CNTNAP1: variants seen among roughly 807,000 people sequenced by gnomAD.
CNTNAP1 encodes the protein contactin associated protein 1.
In CNTNAP1, 80 loss-of-function variants were observed where a neutral mutation model predicts 161.5. That is an observed-to-expected ratio of 0.50 (90% CI 0.41 to 0.60). The LOEUF (loss-of-function observed/expected upper bound fraction) is 0.60, where lower values mean the gene tolerates loss of function less well. Among genes scored for constraint, CNTNAP1 ranks in the 20% least tolerant of loss-of-function variants. The pLI, the probability that CNTNAP1 is intolerant of heterozygous loss-of-function variation, is 0.00. For missense variants in CNTNAP1, 1,464 were observed against 1,854.8 expected (o/e 0.79, Z 3.87); for synonymous variants, 695 against 733.1 (o/e 0.95, Z 0.84).
Position 42,686,102 on chromosome 17 carries a change from T to C in CNTNAP1, c.861T>C (p.Ile287=). The part of the protein sequence containing the change: ...FTLDGYVQRF[I]LNGDFERLNL... ...TGGACGGCTATGTGCAGCGCTTTAT[T>C]CTCAATGGAGACTTCGAGAGGCTGA... Residue 287 remains isoleucine (I), a synonymous_variant, in exon 6 of 24, where the codon ATT becomes ATC. Coordinates refer to ENST00000264638, the MANE Select transcript of CNTNAP1 (RefSeq NM_003632.3). 1 of 1,614,182 alleles carries C rather than the reference T, an allele frequency of 6.2e-7. No individual in the cohort carries two copies. Among genetic ancestry groups the C allele is most frequent in the Non-Finnish European group, 8.5e-7 (1 of 1,180,028 alleles).
chr17:42,695,527 G>A lies in CNTNAP1; in HGVS notation c.2999G>A (p.Gly1000Asp). The change falls in exon 19 of 24, where the codon GGT (glycine) becomes GAT (aspartate). Residue 1000 changes from glycine to aspartate, a missense_variant. By Grantham distance (94) the Gly-to-Asp change is moderately conservative. Around this residue, in one of 3 missense-constraint regions of CNTNAP1, gnomAD observed 1,383 missense variants for 1,765.0 expected, o/e 0.78. Coordinates refer to ENST00000264638, the MANE Select transcript of CNTNAP1 (RefSeq NM_003632.3). ...TCCCTGCTTCTACCTGCAGATATTG[G>A]TGGTTTCTTTGAGCCGGGCACCTGG... ...FDGPYCNHDI[G>D]GFFEPGTWMR... The A allele has an allele frequency of 6.2e-7, 1 of 1,602,194 alleles. No individual in the cohort carries two copies. Among genetic ancestry groups the A allele is most frequent in the East Asian group, 2.2e-5 (1 of 44,536 alleles).
chr17:42,697,646 C>T lies in CNTNAP1; in HGVS notation c.3661C>T (p.Leu1221Phe). ...SGVRFNNVAP[L>F]KTHFRTPRPM... is the part of the protein sequence containing the mutation. Reference sequence around the variant, plus strand: ...TGTTCGATTCAACAACGTGGCTCCCCTCAAGACCCACTTCCGAACCCCTCG... The same window carrying T: ...TGTTCGATTCAACAACGTGGCTCCCTTCAAGACCCACTTCCGAACCCCTCG... Residue 1221 changes from leucine to phenylalanine, a missense_variant, in exon 22 of 24, where the codon CTC becomes TTC. This residue lies in a region of CNTNAP1 where 1,383 missense variants were observed against 1,765.0 expected (regional missense o/e 0.78). Transcript: ENST00000264638. 1 of 1,614,174 alleles carries T rather than the reference C, an allele frequency of 6.2e-7. No individual in the cohort carries two copies. Among genetic ancestry groups the T allele is most frequent in the Middle Eastern group, 1.6e-4 (1 of 6,062 alleles).
intron 23 of CNTNAP1, 80 bp from the exon 24 acceptor site, chr17:42,698,538 T>C (rs963056445): frequency 1.5e-4 from 117 of 763,528 alleles, no homozygotes; most frequent in South Asian, 4.8e-4. Context: ...AGAGTGCGTG[T>C]GTGTGTGTGT....
At chr17:42,689,456 G>T (rs911597407) in intron 10 of CNTNAP1, 65 bp from the exon 11 acceptor site, 1 of 1,288,006 alleles carries the variant, frequency 7.8e-7, no homozygotes, top group Non-Finnish European at 1.1e-6. Context: ...GAAGCTTGCA[G>T]GGATCAGACC....
Position 42,695,893 on chromosome 17 carries a change from T to C in CNTNAP1, c.3346+19T>C, listed in dbSNP as rs1191653769. The C allele has an allele frequency of 6.2e-7, 1 of 1,604,292 alleles. No individual in the cohort carries two copies. The highest frequency in any genetic ancestry group is 8.5e-7 in the Non-Finnish European group (1 of 1,172,940). The stretch of plus-strand genomic sequence containing the variant: ...GATGATGGTAAGCTCTCCCGGGCTC[T>C]CTCACCCCACTCCAGCTTCACCCCG... On this transcript the variant is annotated intron_variant, in intron 19 of 23. Coordinates refer to ENST00000264638, the MANE Select transcript of CNTNAP1 (RefSeq NM_003632.3).
At position 42,688,451 on chromosome 17, in the gene CNTNAP1, T is replaced by C. The variant is rs1356601202; in HGVS notation, c.1307-11T>C. On this transcript the variant is annotated splice_polypyrimidine_tract_variant and intron_variant, in intron 8 of 23. Transcript: ENST00000264638. Reference sequence around the variant, plus strand: ...TTCCCTCCACCCACACCATCATCCATTCTTGTCCAGGGTACCGACTGAATG... The same window carrying C: ...TTCCCTCCACCCACACCATCATCCACTCTTGTCCAGGGTACCGACTGAATG... The C allele has an allele frequency of 3.1e-6, 5 of 1,614,074 alleles. No individual in the cohort carries two copies. The South Asian group carries it at 5.5e-5, about 18-fold the overall frequency.
intron 8 of CNTNAP1, 44 bp downstream of exon 8, chr17:42,688,025 A>G (rs768089616): frequency 3.1e-6 from 5 of 1,587,980 alleles, no homozygotes; most frequent in Non-Finnish European, 4.3e-6. Flanking sequence ...AGAGAAGTGT[A>G]GAGGATCCCA....
At chr17:42,688,800 T>C in intron 9 of CNTNAP1, 76 bp from the exon 10 acceptor site, 1 of 1,566,220 alleles carries the variant, frequency 6.4e-7, no homozygotes, top group Non-Finnish European at 8.7e-7. Flanking sequence ...TATGTCTGGC[T>C]CCCCCTCAGC....
Position 42,696,032 on chromosome 17 carries a change from T to G in CNTNAP1, c.3354T>G (p.Leu1118=), listed in dbSNP as rs2053148026. The change falls in exon 20 of 24, where the codon CTT becomes CTG. Residue 1118 remains leucine (L), a synonymous_variant. Transcript: ENST00000264638. ...MAVLIKDDGT[L]QLRYQLGTSP... ...CTTCTCCCCACCCCACAGGGACCCTTCAGCTGCGATATCAGCTGGGCACCA... is the reference window on the plus strand; with the variant it reads ...CTTCTCCCCACCCCACAGGGACCCTGCAGCTGCGATATCAGCTGGGCACCA... The G allele has an allele frequency of 6.2e-7, 1 of 1,613,968 alleles. No individual in the cohort carries two copies. The highest frequency in any genetic ancestry group is 1.3e-5 in the African/African-American group (1 of 74,898).
chr17:42,685,533 A>G lies in CNTNAP1; in HGVS notation c.715+113A>G, dbSNP rs1443335923. 6 of 1,020,478 alleles carry G rather than the reference A, an allele frequency of 5.9e-6. No individual in the cohort carries two copies. In the African/African-American group the frequency reaches 8.0e-5, roughly 14 times the overall value. 63.2% of individuals were successfully genotyped at this position (1,020,478 alleles called of 1,614,324 possible). On this transcript the variant is annotated intron_variant, in intron 5 of 23. Coordinates refer to ENST00000264638, the MANE Select transcript of CNTNAP1 (RefSeq NM_003632.3). The surrounding 1 kb of genome is among the most constrained non-coding windows in gnomAD (Gnocchi z 5.0). ...CTCAGCCTGGTCTTCCACTTCTCTA[A>G]GGCCTGGACCAAACTGCCCCTTTCT...
rs756769687 is a variant in CNTNAP1, at chr17:42,691,838, G to A, written c.2377G>A (p.Gly793Arg). 6.8e-6 allele frequency: 11 copies of A among 1,613,818 alleles called. No individual in the cohort carries two copies. Among genetic ancestry groups the A allele is most frequent in the South Asian group, 2.2e-5 (2 of 91,068 alleles). ...CTGGAACACCATTTCCTTCCACACC[G>A]GGGCTGCACTACGCTTCCCCCCAAT... ...NSWNTISFHT[G>R]AALRFPPIRA... Residue 793 changes from glycine (G) to arginine (R), a missense_variant, in exon 16 of 24, where the codon GGG becomes AGG. By Grantham distance (125) the Gly-to-Arg change is moderately radical. Transcript: ENST00000264638. The surrounding 1 kb of genome is among the most constrained non-coding windows in gnomAD (Gnocchi z 4.3).
chr17:42,685,251 C>T lies in CNTNAP1; in HGVS notation c.546C>T (p.Ala182=), dbSNP rs761273010. ...ADILYFDGDD[A]ISYRFPRGVS... is the part of the protein sequence containing the mutation. ...TACTCTATTTCGACGGCGACGATGC[C>T]ATCTCCTACCGCTTCCCGCGAGGGG... Residue 182 remains alanine, a synonymous_variant, in exon 5 of 24, where the codon GCC becomes GCT. Transcript: ENST00000264638. The surrounding 1 kb of genome is among the most constrained non-coding windows in gnomAD (Gnocchi z 5.0). The T allele has an allele frequency of 1.2e-6, 2 of 1,613,860 alleles. No individual in the cohort carries two copies. The highest frequency in any genetic ancestry group is 1.7e-6 in the Non-Finnish European group (2 of 1,180,040).
chr17:42,683,394 G>C, intron 1 of CNTNAP1: 1 of 1,084,272 alleles, frequency 9.2e-7, no homozygotes, highest in African/African-American at 1.7e-5. Context: ...GCTAGCACTG[G>C]CTGAGGTTGG....
chr17:42,687,300 A>C lies in CNTNAP1; in HGVS notation c.1044+254A>C. On this transcript the variant is annotated intron_variant, in intron 7 of 23. Transcript: ENST00000264638. The surrounding 1 kb of genome is among the most constrained non-coding windows in gnomAD (Gnocchi z 4.7). ...AAGAAAGTAAGGCGCAGACACAGGG[A>C]GTGGCTTGTCCAGGGGTCGTGCAGC... 1 of 536,700 alleles carries C rather than the reference A, an allele frequency of 1.9e-6. No individual in the cohort carries two copies. The highest frequency in any genetic ancestry group is 3.3e-6 in the Non-Finnish European group (1 of 304,772). The allele number at this position is 536,700 out of a possible 1,614,324, so 33.2% of individuals were successfully genotyped here. A position where few individuals can be genotyped will look rare whatever the true frequency, so the allele number is the denominator to read the frequency against.
At position 42,685,328 on chromosome 17, in the gene CNTNAP1, A is replaced by C; in HGVS notation, c.623A>C (p.Lys208Thr). The C allele has an allele frequency of 6.2e-7, 1 of 1,612,226 alleles. No homozygotes were observed. Among genetic ancestry groups the C allele is most frequent in the Non-Finnish European group, 8.5e-7 (1 of 1,180,016 alleles). The stretch of plus-strand genomic sequence containing the variant: ...GCCTTCAGCTTCAAGACCGAGGAGA[A>C]GGACGGTCTTCTGCTGCACGCCGAG... Reference protein sequence around the residue: ...VFAFSFKTEEKDGLLLHAEGA... With the variant: ...VFAFSFKTEETDGLLLHAEGA... Residue 208 changes from lysine (K) to threonine (T), a missense_variant, in exon 5 of 24, where the codon AAG becomes ACG. Around this residue, in one of 3 missense-constraint regions of CNTNAP1, gnomAD observed 1,383 missense variants for 1,765.0 expected, o/e 0.78. Transcript: ENST00000264638. The surrounding 1 kb of genome is among the most constrained non-coding windows in gnomAD (Gnocchi z 5.0).
At chr17:42,686,467 C>CTGTTT (rs1567970431) in intron 6 of CNTNAP1, among the ~76,000 whole-genome samples, 14 of 61,746 alleles carry the variant, frequency 2.3e-4, no homozygotes, top group African/African-American at 8.2e-4. Context: ...AGAAAAAGGC[C>CTGTTT]TGTTTTTTTT....
At chr17:42,695,294 T>C (rs959374983) in intron 18 of CNTNAP1, among the ~76,000 whole-genome samples, 1 of 152,160 alleles carries the variant, frequency 6.6e-6, no homozygotes, top group African/African-American at 2.4e-5. Context: ...TGAGCCTGTT[T>C]CCCCATTTGT....
intron 20 of CNTNAP1, among the ~76,000 whole-genome samples, chr17:42,696,464 C>T (rs2053153577): frequency 6.6e-6 from 1 of 151,770 alleles, no homozygotes. Context: ...GCTGAGATTA[C>T]AGGCATGCGC....
chr17:42,695,389 A>T lies in CNTNAP1; in HGVS notation c.2993-132A>T, dbSNP rs1474936170. ...GTGACAGAGGGGCTCAAGGGGACCT[A>T]AAAGTAAATGGAGGGTTGTGAGGGT... On this transcript the variant is annotated intron_variant, in intron 18 of 23. Coordinates refer to ENST00000264638, the MANE Select transcript of CNTNAP1 (RefSeq NM_003632.3). The T allele has an allele frequency of 4.1e-6, 3 of 738,506 alleles. No individual in the cohort carries two copies. The African/African-American group carries it at 5.3e-5, about 13-fold the overall frequency. 45.7% of individuals were successfully genotyped at this position (738,506 alleles called of 1,614,324 possible).
Sources: gnomAD v4.1 joint callset for allele counts (sites outside exome capture counted in the v4.1 genomes callset) on GRCh38, gnomAD v4.1.1 for gene constraint, gnomAD v4.1.1 regional missense constraint, Gnocchi (gnomAD v3.1) non-coding constraint, MANE v1.5 for transcripts, NCBI Gene and HGNC (gene_info 2026-07-23, HGNC 2026-07-21) for gene names.